Variants in C10orf67 observed in about 807,000 individuals in gnomAD.
C10orf67 encodes chromosome 10 open reading frame 67, also known as uncharacterized protein C10orf67, mitochondrial.
A neutral mutation model predicts 35.6 loss-of-function variants in C10orf67; 60 were observed. The ratio of observed to expected loss-of-function variants is 1.68; its 90% confidence interval spans 1.37 to 2.09. The LOEUF is 2.09. Ranked by LOEUF, C10orf67 falls within the 30% of genes most tolerant of loss-of-function variation. C10orf67 has a pLI of 0.00. For missense variants in C10orf67, 474 were observed against 330.2 expected (o/e 1.44, Z -3.38); for synonymous variants, 167 against 115.8 (o/e 1.44, Z -2.84).
intron 8 of C10orf67, among the ~76,000 whole-genome samples, chr10:23,276,566 G>A (rs1378423132): frequency 6.6e-6 from 1 of 152,008 alleles, no homozygotes; most frequent in African/African-American, 2.4e-5. Flanking sequence ...TCCTCTTGGT[G>A]GGCTAATAAA....
intron 13 of C10orf67, among the ~76,000 whole-genome samples, chr10:23,225,847 C>A (rs1207041052): frequency 2.0e-5 from 3 of 152,130 alleles, no homozygotes; most frequent in Non-Finnish European, 2.9e-5. Flanking sequence ...GCACCCAATA[C>A]AGGAGCAGCC....
At chr10:23,305,458 C>T (rs1009982926) in intron 4 of C10orf67, among the ~76,000 whole-genome samples, 1 of 152,090 alleles carries the variant, frequency 6.6e-6, no homozygotes, top group Non-Finnish European at 1.5e-5. Flanking sequence ...AGCAACATAA[C>T]AAGACATCCT....
In C10orf67 at chr10:23,207,373, A is replaced by G. The variant is rs149587721; in HGVS notation, c.1571-3118T>C. Among the ~76,000 whole-genome samples the G allele has an allele frequency of 1.2e-3, 187 of 152,374 alleles. 1 individual carries two copies. Among genetic ancestry groups the G allele is most frequent in the African/African-American group, 4.1e-3 (171 of 41,590 alleles). ...ATAAAGGGAAGGTTGCTAATTTTTT[A>G]GAATGACGCTGTACAAAAACTTTTA... On this transcript the variant is annotated intron_variant, in intron 15 of 15. Transcript: ENST00000636213.
At chr10:23,286,592 G>T (rs1198999055) in intron 7 of C10orf67, among the ~76,000 whole-genome samples, 1 of 132,846 alleles carries the variant, frequency 7.5e-6, no homozygotes, top group Non-Finnish European at 1.7e-5. Flanking sequence ...GAGGGAAGGA[G>T]GGAGGGAGGA....
At chr10:23,311,987 C>T (rs555938365) in intron 4 of C10orf67, among the ~76,000 whole-genome samples, 15 of 152,122 alleles carry the variant, frequency 9.9e-5, no homozygotes, top group Non-Finnish European at 1.6e-4. Flanking sequence ...GATATATCAA[C>T]CTTTTTAGAT....
At chr10:23,248,490 G>C (rs1588614176) in intron 12 of C10orf67, among the ~76,000 whole-genome samples, 1 of 152,096 alleles carries the variant, frequency 6.6e-6, no homozygotes, top group African/African-American at 2.4e-5. Flanking sequence ...AATTGGACTG[G>C]GACCCAACAT....
At chr10:23,311,952 C>G (rs922964867) in intron 4 of C10orf67, among the ~76,000 whole-genome samples, 4 of 152,092 alleles carry the variant, frequency 2.6e-5, no homozygotes, top group Non-Finnish European at 5.9e-5. Context: ...GGATGGGAAG[C>G]AAGTCAATTG....
intron 6 of C10orf67, among the ~76,000 whole-genome samples, chr10:23,290,614 G>C (rs1843692784): frequency 6.6e-6 from 1 of 152,070 alleles, no homozygotes. Flanking sequence ...CAATGTTTGT[G>C]GTATGAAAGA....
At chr10:23,332,111 G>T (rs191663954) in intron 2 of C10orf67, among the ~76,000 whole-genome samples, 28 of 152,288 alleles carry the variant, frequency 1.8e-4, no homozygotes, top group African/African-American at 6.3e-4. Context: ...ATGAGTATGT[G>T]CAGGATTATT....
rs756177182 is a variant in C10orf67, at chr10:23,322,395, T to A, written c.470A>T (p.Gln157Leu). Residue 157 changes from glutamine (Q) to leucine (L), a missense_variant and splice_region_variant, in exon 3 of 16, where the codon CAG (glutamine) becomes CTG (leucine). By Grantham distance (113) the Gln-to-Leu change is moderately radical. Transcript: ENST00000636213. Reference sequence around the variant, plus strand: ...CAAAAGAAATAAGAGAACATTTACCTGTTGATAATGCTTTTCAATTTCTAG... The same window carrying A: ...CAAAAGAAATAAGAGAACATTTACCAGTTGATAATGCTTTTCAATTTCTAG... Reference protein sequence around the residue: ...RILEIEKHYQQNEDKMRKSFN... With the variant: ...RILEIEKHYQLNEDKMRKSFN... The A allele has an allele frequency of 3.7e-6, 6 of 1,608,816 alleles. No individual in the cohort carries two copies. The highest frequency in any genetic ancestry group is 5.1e-6 in the Non-Finnish European group (6 of 1,175,784).
At chr10:23,236,023 C>T (rs947458464) in intron 13 of C10orf67, among the ~76,000 whole-genome samples, 23 of 151,342 alleles carry the variant, frequency 1.5e-4, no homozygotes, top group Admixed American at 4.6e-4. Flanking sequence ...CCGAGGCGGG[C>T]GGATCACAAG....
At chr10:23,278,902 A>T (rs1272813553) in intron 8 of C10orf67, among the ~76,000 whole-genome samples, 1 of 152,042 alleles carries the variant, frequency 6.6e-6, no homozygotes, top group Non-Finnish European at 1.5e-5. Context: ...TGAACAACAC[A>T]CCCTCAGGAG....
At chr10:23,313,039 C>A (rs372920685) in intron 4 of C10orf67, among the ~76,000 whole-genome samples, 1 of 152,188 alleles carries the variant, frequency 6.6e-6, no homozygotes, top group Admixed American at 6.5e-5. Flanking sequence ...CTTTTATCAC[C>A]TCCCCACCCT....
intron 1 of C10orf67, among the ~76,000 whole-genome samples, chr10:23,342,478 T>C (rs1484228178): frequency 6.6e-6 from 1 of 151,998 alleles, no homozygotes; most frequent in Admixed American, 6.6e-5. Context: ...GTACTTTGGG[T>C]GAAGAGGAAG....
chr10:23,332,933 A>T, intron 2 of C10orf67, 129 bp downstream of exon 2: 1 of 849,828 alleles, frequency 1.2e-6, no homozygotes, highest in South Asian at 1.6e-5. Context: ...CACAGCTATC[A>T]TTCAGCTGTT....
intron 4 of C10orf67, among the ~76,000 whole-genome samples, chr10:23,311,991 T>G (rs1002127689): frequency 1.3e-5 from 2 of 152,172 alleles, no homozygotes; most frequent in Non-Finnish European, 2.9e-5. Context: ...TATCAACCTT[T>G]TTAGATAATG....
At chr10:23,202,449 T>A (rs1029606080), downstream of C10orf67, 8 of 151,032 alleles carry the variant, frequency 5.3e-5, no homozygotes, top group Non-Finnish European at 8.8e-5. Context: ...TCCTATTATA[T>A]GCATTTCTCA....
At chr10:23,299,860 C>T (rs1488282184) in intron 5 of C10orf67, among the ~76,000 whole-genome samples, 1 of 152,026 alleles carries the variant, frequency 6.6e-6, no homozygotes, top group African/African-American at 2.4e-5. Context: ...CGCCTGTAGT[C>T]CCAGCTACTC....
intron 4 of C10orf67, among the ~76,000 whole-genome samples, chr10:23,310,299 T>G (rs1844449898): frequency 6.6e-6 from 1 of 152,214 alleles, no homozygotes; most frequent in Non-Finnish European, 1.5e-5. Context: ...CTCTCACCCA[T>G]TAATGCTTCT....
Sources: allele counts gnomAD v4.1 joint callset (sites outside exome capture counted in the v4.1 genomes callset), GRCh38; gene constraint gnomAD v4.1.1; transcripts MANE v1.5; gene names NCBI Gene and HGNC (gene_info 2026-07-23, HGNC 2026-07-21).